The following SYNJ2 variants were observed in gnomAD, a reference collection of about 807,000 sequenced individuals.
SYNJ2 encodes the protein polyphosphatidylinositol phosphatase SYNJ2.
A neutral mutation model predicts 141.3 loss-of-function variants in SYNJ2; 116 were observed. The ratio of observed to expected loss-of-function variants is 0.82; its 90% CI spans 0.71 to 0.96. The LOEUF (loss-of-function observed/expected upper bound fraction) is 0.96, where lower values mean the gene tolerates loss of function less well. SYNJ2 is among the 40% of genes least tolerant of loss of function. SYNJ2 has a pLI of 0.00. For missense variants in SYNJ2, 1,873 were observed against 1,934.8 expected (o/e 0.97, Z 0.60); for synonymous variants, 745 against 777.7 (o/e 0.96, Z 0.70).
chr6:158,029,002 CT>C lies in SYNJ2; in HGVS notation c.462del (p.Glu155AsnfsTer16). 6.5e-7 allele frequency: 1 copy of C among 1,529,762 alleles called. No homozygotes were observed. The highest frequency in any genetic ancestry group is 2.4e-5 in the East Asian group (1 of 40,898). The allele number at this position is 1,529,762 out of a possible 1,614,324, so 94.8% of individuals were successfully genotyped here. On this transcript the variant is annotated frameshift_variant, in exon 3 of 27. Coordinates refer to ENST00000355585, the MANE Select transcript of SYNJ2 (RefSeq NM_003898.4). LOFTEE classifies it high-confidence loss of function. ...VRTQKQGDDSSEWGNSFFWNQ... is the reference protein window; with the variant it reads ...VRTQKQGDDSXEWGNSFFWNQ... Reference sequence around the variant, plus strand: ...ACGCAGAAGCAGGGGGATGACAGCTCTGAATGGGGGAACTCCTTCTTCTGGT... The same window carrying C: ...ACGCAGAAGCAGGGGGATGACAGCTCGAATGGGGGAACTCCTTCTTCTGGT...
At chr6:158,007,073 C>G (rs1778100798) in intron 1 of SYNJ2, among the ~76,000 whole-genome samples, 1 of 152,102 alleles carries the variant, frequency 6.6e-6, no homozygotes, top group Non-Finnish European at 1.5e-5. Context: ...TCAGATGATC[C>G]TCTCACCTCA....
At chr6:158,086,333 G>C (rs555616257) in intron 22 of SYNJ2, among the ~76,000 whole-genome samples, 1 of 152,170 alleles carries the variant, frequency 6.6e-6, no homozygotes, top group Non-Finnish European at 1.5e-5. Flanking sequence ...GGTCAAGATG[G>C]CAGACCCTTG....
At chr6:158,060,727 GA>G (rs1554247762) in intron 7 of SYNJ2, among the ~76,000 whole-genome samples, 1 of 152,236 alleles carries the variant, frequency 6.6e-6, no homozygotes, top group Non-Finnish European at 1.5e-5. Context: ...TAAAAAATAA[GA>G]ATAATAATAA....
rs1422502715 is a variant in SYNJ2 at position 158,070,507 on chromosome 6, G to A, written c.1940+834G>A. On this transcript the variant is annotated intron_variant, in intron 14 of 26. Coordinates refer to ENST00000355585, the MANE Select transcript of SYNJ2 (RefSeq NM_003898.4). This position sits in a 1 kb window ranked among gnomAD's most constrained non-coding sequence, Gnocchi z 4.0. ...CAGTGTCCTAGGTTAGCAGGTGAAG[G>A]TTAGTAAAGGTTAAAGGCAAGGGCG... The A allele has an allele frequency of 1.0e-6, 1 of 985,358 alleles. No individual in the cohort carries two copies. Among genetic ancestry groups the A allele is most frequent in the Non-Finnish European group, 1.2e-6 (1 of 830,018 alleles). The allele number at this position is 985,358 out of a possible 1,614,324, so 61.0% of individuals were successfully genotyped here. A position where few individuals can be genotyped will look rare whatever the true frequency, so the allele number is the denominator to read the frequency against.
intron 18 of SYNJ2, chr6:158,079,237 A>G (rs1345833875): frequency 2.0e-5 from 3 of 152,224 alleles, no homozygotes; most frequent in Admixed American, 1.3e-4. Flanking sequence ...GTCTTTAAAG[A>G]CAGAGGAGAG....
At chr6:158,010,452 G>A (rs1048488814) in intron 1 of SYNJ2, among the ~76,000 whole-genome samples, 1 of 152,216 alleles carries the variant, frequency 6.6e-6, no homozygotes, top group African/African-American at 2.4e-5. Flanking sequence ...TGGGGTGCAT[G>A]CTCCTGATAC....
At position 158,097,438 on chromosome 6, in the gene SYNJ2, AGAC is replaced by A. The variant is rs1783848541; in HGVS notation, c.*1075_*1077del. On this transcript the variant is annotated 3_prime_UTR_variant, in exon 27 of 27. Coordinates refer to ENST00000355585, the MANE Select transcript of SYNJ2 (RefSeq NM_003898.4). ...TTCTCACCTATTCAATAACTGAAAA[AGAC>A]ATTACCATAGTGCTTTACATTTTTA... 1 of 152,236 alleles carries A rather than the reference AGAC, an allele frequency of 6.6e-6. No individual in the cohort carries two copies. Among genetic ancestry groups the A allele is most frequent in the South Asian group, 2.1e-4 (1 of 4,830 alleles). 9.4% of individuals were successfully genotyped at this position (152,236 alleles called of 1,614,324 possible). A position where few individuals can be genotyped will look rare whatever the true frequency, so the allele number is the denominator to read the frequency against.
At chr6:158,008,685 G>C (rs138498123) in intron 1 of SYNJ2, among the ~76,000 whole-genome samples, 1 of 152,202 alleles carries the variant, frequency 6.6e-6, no homozygotes, top group Non-Finnish European at 1.5e-5. Context: ...TAAAAAGCAC[G>C]TGTGTATGTG....
chr6:158,087,814 G>C (rs1273508759), intron 23 of SYNJ2, among the ~76,000 whole-genome samples: 1 of 150,812 alleles, frequency 6.6e-6, no homozygotes, highest in African/African-American at 2.4e-5. Flanking sequence ...ATGACCTACG[G>C]GTCGTAGTTG....
At chr6:158,017,409 T>C in intron 2 of SYNJ2, 119 bp downstream of exon 2, 7 of 905,958 alleles carry the variant, frequency 7.7e-6, no homozygotes, top group South Asian at 2.6e-5. Flanking sequence ...TCTCTTCTTT[T>C]TTTTTTTTTT....
At chr6:158,075,803 G>A (rs935493174) in intron 16 of SYNJ2, among the ~76,000 whole-genome samples, 9 of 152,128 alleles carry the variant, frequency 5.9e-5, no homozygotes, top group African/African-American at 2.2e-4. Context: ...TCCTAAAGCA[G>A]GTTTTCCTGT....
rs1282391355 is a variant in SYNJ2, at chr6:158,086,867, T to C, written c.3221T>C (p.Leu1074Pro). ...CCATGTCCTCCAGATGACGCGGACC[T>C]GGTGGAGCTCAAGCGGGAGCTGGAA... ...QHPTYKDDAD[L>P]VELKRELEAV... is the part of the protein sequence containing the mutation. Residue 1074 changes from leucine to proline, a missense_variant, in exon 23 of 27, where the codon CTG (leucine) becomes CCG (proline). By Grantham distance (98) the Leu-to-Pro change is moderately conservative (BLOSUM62 -3). Coordinates refer to ENST00000355585, the MANE Select transcript of SYNJ2 (RefSeq NM_003898.4). 3 of 1,611,562 alleles carry C rather than the reference T, an allele frequency of 1.9e-6. No homozygotes were observed. In the African/African-American group the frequency reaches 4.0e-5, roughly 22 times the overall value.
intron 24 of SYNJ2, 59 bp from the exon 25 acceptor site, chr6:158,089,780 C>A: frequency 7.5e-7 from 1 of 1,330,858 alleles, no homozygotes; most frequent in Non-Finnish European, 1.1e-6. Context: ...CAGATACGTC[C>A]CACGAGGCTG....
rs139494821 is a variant in SYNJ2 at position 158,005,993 on chromosome 6, C to T, written c.128-11211C>T. 7.3e-3 allele frequency among the ~76,000 whole-genome samples: 1,117 copies of T among 152,300 alleles called. 9 individuals are homozygous for T. Among genetic ancestry groups the T allele is most frequent in the Non-Finnish European group, 0.012 (845 of 68,014 alleles). On this transcript the variant is annotated intron_variant, in intron 1 of 26. Transcript: ENST00000355585. ...AGGGCATGGCTTTCGGAGCTCCCTG[C>T]TCCTGCCACATCCGTCCTGACCTCT...
intron 1 of SYNJ2, among the ~76,000 whole-genome samples, chr6:157,996,683 A>G (rs1777644527): frequency 6.6e-6 from 1 of 152,148 alleles, no homozygotes; most frequent in South Asian, 2.1e-4. Flanking sequence ...TTTCTCATGA[A>G]TGGTCAGCAC....
chr6:158,075,118 G>A (rs185782900), intron 16 of SYNJ2, among the ~76,000 whole-genome samples: 1,543 of 151,984 alleles, frequency 0.01, 30 homozygotes, highest in African/African-American at 0.035. Flanking sequence ...TTTTAGTAGA[G>A]ACGGGTTTTC....
At chr6:158,062,433 C>A (rs896927017) in intron 8 of SYNJ2, among the ~76,000 whole-genome samples, 12 of 152,036 alleles carry the variant, frequency 7.9e-5, no homozygotes, top group African/African-American at 2.7e-4. Context: ...TTGAATTTCT[C>A]AAGGAGATGT....
chr6:157,994,694 C>A (rs1310245997), intron 1 of SYNJ2, among the ~76,000 whole-genome samples: 1 of 152,232 alleles, frequency 6.6e-6, no homozygotes, highest in Non-Finnish European at 1.5e-5. Flanking sequence ...CAAAGGGCAT[C>A]TGCCACGCCC....
rs572035369 is a variant in SYNJ2 at position 157,981,882 on chromosome 6, G to GGC, written c.-74_-73dup. 314 of 1,181,624 alleles carry GGC rather than the reference G, an allele frequency of 2.7e-4. No individual in the cohort carries two copies. In the African/African-American group the frequency reaches 3.9e-3, roughly 15 times the overall value. 73.2% of individuals were successfully genotyped at this position (1,181,624 alleles called of 1,614,324 possible). A position where few individuals can be genotyped will look rare whatever the true frequency, so the allele number is the denominator to read the frequency against. On this transcript the variant is annotated 5_prime_UTR_variant, in exon 1 of 27. Coordinates refer to ENST00000355585, the MANE Select transcript of SYNJ2 (RefSeq NM_003898.4). This position sits in a 1 kb window ranked among gnomAD's most constrained non-coding sequence, Gnocchi z 6.4. ...CAAAGTGAAACTCTGGCAAGTTGCG[G>GGC]GCGCGCGGGGAGCTGTCGCGGGCAG...
Sources: allele counts gnomAD v4.1 joint callset (sites outside exome capture counted in the v4.1 genomes callset), GRCh38; gene constraint gnomAD v4.1.1; non-coding constraint Gnocchi (gnomAD v3.1); transcripts MANE v1.5; gene names NCBI Gene and HGNC (gene_info 2026-07-23, HGNC 2026-07-21).